ZNF429: variants seen among roughly 807,000 people sequenced by gnomAD.
The protein encoded by ZNF429 is zinc finger protein 429.
In ZNF429, 53 loss-of-function variants were observed where a neutral mutation model predicts 56.8. The ratio of observed to expected loss-of-function variants is 0.93; its 90% CI spans 0.75 to 1.17. ZNF429 has a LOEUF of 1.17. ZNF429 is among the 50% of genes most tolerant of loss of function. The pLI is 0.00. For missense variants in ZNF429, 849 were observed against 788.4 expected (o/e 1.08, Z -0.92); for synonymous variants, 278 against 264.7 (o/e 1.05, Z -0.49).
chr19:21,535,457 T>TC, intron 3 of ZNF429, among the ~76,000 whole-genome samples: 1 of 110,010 alleles, frequency 9.1e-6, no homozygotes, highest in African/African-American at 4.2e-5. Flanking sequence ...TCTTTCTTTC[T>TC]TTCTTTCTTT....
At chr19:21,506,854 C>G (rs1266389974) in intron 1 of ZNF429, among the ~76,000 whole-genome samples, 3 of 147,596 alleles carry the variant, frequency 2.0e-5, no homozygotes, top group African/African-American at 7.5e-5. Context: ...ACTGCACCTT[C>G]CGCCTCCGTG....
intron 3 of ZNF429, among the ~76,000 whole-genome samples, chr19:21,531,655 A>C: frequency 6.6e-6 from 1 of 152,202 alleles, no homozygotes; most frequent in South Asian, 2.1e-4. Flanking sequence ...AAATACAAAA[A>C]TTAGCTGAGC....
chr19:21,535,296 C>CTTCCTTCTTTCTTTCTTTCTTTCT, intron 3 of ZNF429, among the ~76,000 whole-genome samples: 2 of 82,548 alleles, frequency 2.4e-5, no homozygotes, highest in African/African-American at 1.1e-4. Flanking sequence ...CATTTCTTTC[C>CTTCCTTCTTTCTTTCTTTCTTTCT]TTCTTTCTTT....
chr19:21,506,929 C>T (rs1187461362), intron 1 of ZNF429, among the ~76,000 whole-genome samples: 1 of 151,904 alleles, frequency 6.6e-6, no homozygotes, highest in African/African-American at 2.4e-5. Flanking sequence ...CCACCACGCC[C>T]GGCTAATTTT....
At chr19:21,527,687 A>G (rs1250757122) in intron 1 of ZNF429, among the ~76,000 whole-genome samples, 1 of 152,086 alleles carries the variant, frequency 6.6e-6, no homozygotes, top group African/African-American at 2.4e-5. Flanking sequence ...TGTTATTAAG[A>G]ACAGAAATGG....
chr19:21,538,624 AAG>A lies in ZNF429; in HGVS notation c.*548_*549del, dbSNP rs1331654078. ...AAAAAATATATAAATAAATAAAAGA[AAG>A]AAAATTCATAGTAGAGAGAAACCTT... On this transcript the variant is annotated 3_prime_UTR_variant, in exon 4 of 4. Transcript: ENST00000358491. 1 of 152,198 alleles carries A rather than the reference AAG, an allele frequency of 6.6e-6. No homozygotes were observed. Among genetic ancestry groups the A allele is most frequent in the African/African-American group, 2.4e-5 (1 of 41,434 alleles). 9.4% of individuals were successfully genotyped at this position (152,198 alleles called of 1,614,324 possible). A position where few individuals can be genotyped will look rare whatever the true frequency, so the allele number is the denominator to read the frequency against.
In ZNF429 at chr19:21,534,142, T is replaced by G; in HGVS notation, c.227-2138T>G. Reference sequence around the variant, plus strand: ...CAAATTTTACAATTTTAAACAATATTTCTGTAAAAAACTGTGCTATTGGGA... The same window carrying G: ...CAAATTTTACAATTTTAAACAATATGTCTGTAAAAAACTGTGCTATTGGGA... On this transcript the variant is annotated intron_variant, in intron 3 of 3. Coordinates refer to ENST00000358491, the MANE Select transcript of ZNF429 (RefSeq NM_001001415.4). 2.0e-5 allele frequency among the ~76,000 whole-genome samples: 3 copies of G among 151,478 alleles called. No homozygotes were observed. The Admixed American group carries it at 2.0e-4, about 10-fold the overall frequency.
chr19:21,535,741 CCTGACTTTATGAT>C lies in ZNF429; in HGVS notation c.227-535_227-523del. ...ATGTTGGCCAGGCTGGTTTCGAACT[CCTGACTTTATGAT>C]CTGCCCGCCTTGGCCTCCAAAGTGC... is the stretch of plus-strand genomic sequence containing the variant. On this transcript the variant is annotated intron_variant, in intron 3 of 3. Transcript: ENST00000358491. Among the ~76,000 whole-genome samples, 1,511 of 151,910 alleles carry C rather than the reference CCTGACTTTATGAT, an allele frequency of 9.9e-3. 26 individuals are homozygous for C. Among genetic ancestry groups the C allele is most frequent in the African/African-American group, 0.034 (1,414 of 41,410 alleles).
chr19:21,524,604 G>T (rs1192558794), intron 1 of ZNF429, among the ~76,000 whole-genome samples: 1 of 152,156 alleles, frequency 6.6e-6, no homozygotes, highest in African/African-American at 2.4e-5. Flanking sequence ...AATCAGGACG[G>T]GTGATCCAGG....
At chr19:21,516,910 T>A (rs1180151302) in intron 1 of ZNF429, among the ~76,000 whole-genome samples, 1 of 152,220 alleles carries the variant, frequency 6.6e-6, no homozygotes, top group African/African-American at 2.4e-5. Flanking sequence ...TCCTTTCCTC[T>A]CTTCCTGTTG....
chr19:21,511,484 C>A (rs1353432481), intron 1 of ZNF429, among the ~76,000 whole-genome samples: 1 of 151,872 alleles, frequency 6.6e-6, no homozygotes, highest in East Asian at 1.9e-4. Context: ...CGATGGGTGG[C>A]CAGGCAGAGA....
intron 1 of ZNF429, among the ~76,000 whole-genome samples, chr19:21,512,084 AC>A (rs1026139803): frequency 1.3e-5 from 2 of 151,486 alleles, no homozygotes; most frequent in Non-Finnish European, 1.5e-5. Flanking sequence ...GGAGAGGGAG[AC>A]CGTGGGGAGA....
At chr19:21,526,375 A>G (rs1242612469) in intron 1 of ZNF429, among the ~76,000 whole-genome samples, 1 of 152,068 alleles carries the variant, frequency 6.6e-6, no homozygotes, top group Non-Finnish European at 1.5e-5. Context: ...TACCATTCCT[A>G]TGCCTTTGTG....
At chr19:21,505,852 A>C in intron 1 of ZNF429, 78 bp downstream of exon 1, 1 of 1,527,022 alleles carries the variant, frequency 6.5e-7, no homozygotes, top group Non-Finnish European at 9.0e-7. Context: ...TGGCGGACTT[A>C]GGTCTCCCGG....
In ZNF429 at chr19:21,539,545, C is replaced by T. The variant is rs1003005381; in HGVS notation, c.*1467C>T. ...CAAGCAGTTCTCCTGCCACAGCCTC[C>T]TGAGTAGCTGGGAATACAGGCATAC... On this transcript the variant is annotated 3_prime_UTR_variant, in exon 4 of 4. Transcript: ENST00000358491. Among the ~76,000 whole-genome samples, 4 of 151,608 alleles carry T rather than the reference C, an allele frequency of 2.6e-5. No homozygotes were observed. Among genetic ancestry groups the T allele is most frequent in the African/African-American group, 9.7e-5 (4 of 41,298 alleles).
At chr19:21,526,218 G>A (rs2033167621) in intron 1 of ZNF429, among the ~76,000 whole-genome samples, 1 of 151,850 alleles carries the variant, frequency 6.6e-6, no homozygotes, top group Non-Finnish European at 1.5e-5. Context: ...TGTACAGGTA[G>A]TATTTGGTTA....
chr19:21,506,973 G>C (rs1331805404), intron 1 of ZNF429, among the ~76,000 whole-genome samples: 1 of 151,908 alleles, frequency 6.6e-6, no homozygotes, highest in African/African-American at 2.4e-5. Flanking sequence ...TCTCCGTGTT[G>C]GTCAGGCTTG....
At position 21,536,860 on chromosome 19, in the gene ZNF429, C is replaced by T; in HGVS notation, c.807C>T (p.Tyr269=). 1.2e-6 allele frequency: 2 copies of T among 1,612,938 alleles called. No homozygotes were observed. Among genetic ancestry groups the T allele is most frequent in the South Asian group, 2.2e-5 (2 of 90,980 alleles). ...CKECGKAFSR[Y]STLTTHKRIH... The stretch of plus-strand genomic sequence containing the variant: ...AATGTGGCAAAGCCTTTAGCAGGTA[C>T]TCAACCCTTACTACCCATAAGAGAA... The change falls in exon 4 of 4, where the codon TAC becomes TAT. Residue 269 remains tyrosine, a synonymous_variant. Coordinates refer to ENST00000358491, the MANE Select transcript of ZNF429 (RefSeq NM_001001415.4).
chr19:21,527,880 C>T (rs768150836), intron 1 of ZNF429, among the ~76,000 whole-genome samples: 1 of 152,124 alleles, frequency 6.6e-6, no homozygotes, highest in Non-Finnish European at 1.5e-5. Context: ...GATTTTTCAG[C>T]TAATCATGTC....
Sources: gnomAD v4.1 joint callset for allele counts (sites outside exome capture counted in the v4.1 genomes callset) on GRCh38, gnomAD v4.1.1 for gene constraint, MANE v1.5 for transcripts, NCBI Gene and HGNC (gene_info 2026-07-23, HGNC 2026-07-21) for gene names.